Variants in KDM5A observed in about 807,000 individuals in gnomAD.
KDM5A encodes lysine-specific demethylase 5A.
KDM5A carries 42 observed loss-of-function variants against 193.5 expected under a neutral mutation model. The ratio of observed to expected loss-of-function variants is 0.22; its 90% confidence interval spans 0.17 to 0.28. KDM5A has a LOEUF of 0.28. KDM5A is among the 10% of genes least tolerant of loss of function. The pLI is 1.00. For missense variants in KDM5A, 1,692 were observed against 2,055.1 expected (o/e 0.82, Z 3.42); for synonymous variants, 796 against 718.1 (o/e 1.11, Z -1.73).
intron 20 of KDM5A, 36 bp from the exon 21 acceptor site, chr12:311,100 C>A (rs377428844): frequency 6.2e-7 from 1 of 1,606,410 alleles, no homozygotes; most frequent in African/African-American, 1.3e-5. Context: ...AATTTGAGTT[C>A]TCTTATGGGG....
chr12:358,136 T>C (rs1166347468), intron 5 of KDM5A, among the ~76,000 whole-genome samples: 1 of 152,186 alleles, frequency 6.6e-6, no homozygotes, highest in East Asian at 1.9e-4. Flanking sequence ...TACTTGAAAG[T>C]GAGAGCATCC....
rs1446190003 is a variant in KDM5A at position 285,420 on chromosome 12, C to T, written c.*36G>A. On this transcript the variant is annotated 3_prime_UTR_variant, in exon 28 of 28. Coordinates refer to ENST00000399788, the MANE Select transcript of KDM5A (RefSeq NM_001042603.3). ...TGATGACTAAGGTCTCAATGTGGTC[C>T]ATGTCCCCCCATGTCCCAAACTAAC... The T allele has an allele frequency of 6.4e-7, 1 of 1,561,928 alleles. No homozygotes were observed. The highest frequency in any genetic ancestry group is 8.8e-7 in the Non-Finnish European group (1 of 1,132,834).
Position 352,017 on chromosome 12 carries a change from T to C in KDM5A, c.1149+188A>G, listed in dbSNP as rs573066122. ...TACTCGGGAGGCTGAGGCAGGAGAA[T>C]TACTTGAACCTGGGAGGCAGAGGTT... On this transcript the variant is annotated intron_variant, in intron 9 of 27. Transcript: ENST00000399788. Among the ~76,000 whole-genome samples, 15 of 141,172 alleles carry C rather than the reference T, an allele frequency of 1.1e-4. No individual in the cohort carries two copies. In the South Asian group the frequency reaches 3.1e-3, roughly 29 times the overall value. The allele number at this position is 141,172 out of a possible 152,430, so 92.6% of individuals were successfully genotyped here.
intron 26 of KDM5A, 97 bp from the exon 27 acceptor site, chr12:293,266 G>T: frequency 9.4e-7 from 1 of 1,062,512 alleles, no homozygotes; most frequent in Non-Finnish European, 1.4e-6. Flanking sequence ...CACATTCGGA[G>T]AGACAGAAAG....
chr12:313,049 T>G lies in KDM5A; in HGVS notation c.3036+7A>C. On this transcript the variant is annotated splice_region_variant and intron_variant, in intron 20 of 27. Transcript: ENST00000399788. ...TGATAGGTGGGATAATCCAAAAGTC[T>G]TCTTACCTGAATAGCTTCCACTTTA... 1.2e-6 allele frequency: 2 copies of G among 1,614,152 alleles called. No individual in the cohort carries two copies. The highest frequency in any genetic ancestry group is 1.7e-6 in the Non-Finnish European group (2 of 1,179,958).
At chr12:350,800 T>TG in intron 9 of KDM5A, 21 bp from the exon 10 acceptor site, 1 of 1,608,768 alleles carries the variant, frequency 6.2e-7, no homozygotes, top group Non-Finnish European at 8.5e-7. Flanking sequence ...AAAAAAAAGA[T>TG]GACAAATTAT....
In KDM5A at chr12:281,527, G is replaced by A. The variant is rs895113528; in HGVS notation, c.*3929C>T. 5 of 232,878 alleles carry A rather than the reference G, an allele frequency of 2.1e-5. No individual in the cohort carries two copies. The highest frequency in any genetic ancestry group is 1.1e-4 in the African/African-American group (5 of 45,272). The allele number at this position is 232,878 out of a possible 1,614,324, so 14.4% of individuals were successfully genotyped here. On this transcript the variant is annotated 3_prime_UTR_variant, in exon 28 of 28. Transcript: ENST00000399788. The stretch of plus-strand genomic sequence containing the variant: ...GGACATTCATATCCAAAGAAGTAAT[G>A]GTATGACTTAAAAAAAAAGGAGGAA...
At chr12:315,569 T>A (rs1943641752) in intron 19 of KDM5A, among the ~76,000 whole-genome samples, 2 of 151,220 alleles carry the variant, frequency 1.3e-5, no homozygotes, top group Non-Finnish European at 2.9e-5. Flanking sequence ...AAAGCAAATC[T>A]CCATCTCAAA....
In KDM5A at chr12:306,963, A is replaced by G. The variant is rs376122634; in HGVS notation, c.4057T>C (p.Tyr1353His). The G allele has an allele frequency of 6.2e-7, 1 of 1,613,588 alleles. No homozygotes were observed. Among genetic ancestry groups the G allele is most frequent in the Non-Finnish European group, 8.5e-7 (1 of 1,179,936 alleles). ...TDSDEDIRET[Y>H]GYDMKDTASV... is the part of the protein sequence containing the mutation. ...GTAACTACCTTCATGTCGTAGCCAT[A>G]TGTCTCTCGAATGTCTTCATCAGAG... The change falls in exon 24 of 28, where the codon TAT (tyrosine) becomes CAT (histidine). Residue 1353 changes from tyrosine to histidine, a missense_variant. By Grantham distance (83) the Tyr-to-His change is moderately conservative. Around this residue, in one of 11 missense-constraint regions of KDM5A, gnomAD observed 965 missense variants for 1,061.0 expected, o/e 0.91. Coordinates refer to ENST00000399788, the MANE Select transcript of KDM5A (RefSeq NM_001042603.3).
chr12:305,982 T>TG (rs201379572), intron 24 of KDM5A, among the ~76,000 whole-genome samples: 2,473 of 149,018 alleles, frequency 0.017, 103 homozygotes, highest in South Asian at 0.16. Context: ...TTTTTTTTTT[T>TG]TTTTTTTTTG....
intron 10 of KDM5A, among the ~76,000 whole-genome samples, chr12:349,021 C>CTT (rs200223430): frequency 3.7e-5 from 5 of 135,948 alleles, no homozygotes; most frequent in Non-Finnish European, 6.4e-5. Flanking sequence ...AGCTTCTAGA[C>CTT]TTTTTTTTTT....
At chr12:303,119 A>C (rs1246522763) in intron 24 of KDM5A, among the ~76,000 whole-genome samples, 1 of 152,214 alleles carries the variant, frequency 6.6e-6, no homozygotes, top group Non-Finnish European at 1.5e-5. Flanking sequence ...TTCCTCAAGA[A>C]TCTAGAACTA....
In KDM5A at chr12:307,831, G is replaced by A. The variant is rs2137389519; in HGVS notation, c.3553C>T (p.His1185Tyr). The change falls in exon 23 of 28, where the codon CAT becomes TAT. Residue 1185 changes from histidine to tyrosine, a missense_variant. Around this residue, in one of 11 missense-constraint regions of KDM5A, gnomAD observed 965 missense variants for 1,061.0 expected, o/e 0.91. Transcript: ENST00000399788. This position sits in a 1 kb window ranked among gnomAD's most constrained non-coding sequence, Gnocchi z 4.3. The part of the protein sequence containing the change: ...LQCELCKDWF[H>Y]NSCVPLPKSS... ...TTAGGAAGAGGAACACAGCTGTTATGGAACCAGTCTTTGCAGAGCTCACAC... is the reference window on the plus strand; with the variant it reads ...TTAGGAAGAGGAACACAGCTGTTATAGAACCAGTCTTTGCAGAGCTCACAC... The A allele has an allele frequency of 6.2e-7, 1 of 1,614,184 alleles. No homozygotes were observed. Among genetic ancestry groups the A allele is most frequent in the Non-Finnish European group, 8.5e-7 (1 of 1,180,030 alleles).
chr12:364,551 C>T (rs1260457553), intron 4 of KDM5A, among the ~76,000 whole-genome samples: 1 of 151,442 alleles, frequency 6.6e-6, no homozygotes, highest in Non-Finnish European at 1.5e-5. Flanking sequence ...TTTGGGAGGC[C>T]GAGGTGAGTG....
chr12:331,018 G>C (rs1341468112), intron 13 of KDM5A, among the ~76,000 whole-genome samples: 2 of 151,702 alleles, frequency 1.3e-5, no homozygotes, highest in African/African-American at 4.8e-5. Flanking sequence ...CAATTACCTA[G>C]CATTATCATT....
At chr12:348,816 G>C (rs1321735415) in intron 10 of KDM5A, among the ~76,000 whole-genome samples, 1 of 151,612 alleles carries the variant, frequency 6.6e-6, no homozygotes, top group East Asian at 1.9e-4. Context: ...ATGTAAATGA[G>C]CTGATGGGTG....
Position 282,042 on chromosome 12 carries a change from T to C in KDM5A, c.*3414A>G, listed in dbSNP as rs188811861. 1.9e-3 allele frequency: 501 copies of C among 265,322 alleles called. 2 individuals carry two copies. Among genetic ancestry groups the C allele is most frequent in the Middle Eastern group, 8.9e-3 (8 of 896 alleles). 16.4% of individuals were successfully genotyped at this position (265,322 alleles called of 1,614,324 possible). Reference sequence around the variant, plus strand: ...ACCATGCTAACCTTACAGCTCAGCCTGCACAGAAGCGCAGAAGCAAAGCCC... The same window carrying C: ...ACCATGCTAACCTTACAGCTCAGCCCGCACAGAAGCGCAGAAGCAAAGCCC... On this transcript the variant is annotated 3_prime_UTR_variant, in exon 28 of 28. Transcript: ENST00000399788.
At chr12:368,548 T>C (rs987293324) in intron 3 of KDM5A, among the ~76,000 whole-genome samples, 2 of 152,036 alleles carry the variant, frequency 1.3e-5, no homozygotes, top group Non-Finnish European at 2.9e-5. Flanking sequence ...CTGGCCAACA[T>C]GGTGAAACTC....
chr12:348,663 A>G (rs1195224166), intron 10 of KDM5A, among the ~76,000 whole-genome samples: 1 of 152,160 alleles, frequency 6.6e-6, no homozygotes, highest in Non-Finnish European at 1.5e-5. Flanking sequence ...TCACAGGGAT[A>G]GAAAACCAAA....
Sources: gnomAD v4.1 joint callset for allele counts (sites outside exome capture counted in the v4.1 genomes callset) on GRCh38, gnomAD v4.1.1 for gene constraint, gnomAD v4.1.1 regional missense constraint, Gnocchi (gnomAD v3.1) non-coding constraint, MANE v1.5 for transcripts, NCBI Gene and HGNC (gene_info 2026-07-23, HGNC 2026-07-21) for gene names.